Variants in FAM185A observed in about 807,000 individuals in gnomAD.
The protein encoded by FAM185A is protein FAM185A.
Under a neutral mutation model 45.7 loss-of-function variants are expected in FAM185A, and 21 were observed. The ratio of observed to expected loss-of-function variants is 0.46; its 90% CI spans 0.33 to 0.66. FAM185A has a LOEUF of 0.66. Among genes scored for constraint, FAM185A ranks in the 30% least tolerant of loss-of-function variants. The probability of loss-of-function intolerance (pLI) is 0.03; values close to 1 mark genes in which losing one functional copy is unlikely to be tolerated. For missense variants in FAM185A, 305 were observed against 485.4 expected, an observed-to-expected ratio of 0.63 and a Z score of 3.49; for synonymous variants, 117 against 194.0, an observed-to-expected ratio of 0.60 and a Z score of 3.30.
the FAM185A span, chr7:102,822,147 C>A: frequency 6.2e-7 from 1 of 1,614,184 alleles, no homozygotes; most frequent in South Asian, 1.1e-5. Flanking sequence ...CAGAGATATC[C>A]AAAATGTGCA....
chr7:102,765,151 G>A (rs1289227085), intron 4 of FAM185A, among the ~76,000 whole-genome samples: 1 of 152,152 alleles, frequency 6.6e-6, no homozygotes, highest in Non-Finnish European at 1.5e-5. Flanking sequence ...TTTAAACAGT[G>A]AACTTGATTG....
chr7:102,781,190 C>T (rs940900646), intron 6 of FAM185A, among the ~76,000 whole-genome samples: 5 of 152,154 alleles, frequency 3.3e-5, no homozygotes, highest in African/African-American at 9.7e-5. Context: ...AGCCCACCAC[C>T]GCAGCTCAAG....
chr7:102,820,462 A>AT, the FAM185A span, among the ~76,000 whole-genome samples: 5 of 152,014 alleles, frequency 3.3e-5, no homozygotes, highest in African/African-American at 9.6e-5. Context: ...GCCTTGTTTT[A>AT]TTTTTTTTGC....
the FAM185A span, among the ~76,000 whole-genome samples, chr7:102,814,793 A>T: frequency 6.6e-6 from 1 of 152,380 alleles, no homozygotes; most frequent in South Asian, 2.1e-4. Context: ...ATTGTCAAAG[A>T]TAATGTTTTG....
chr7:102,800,571 A>G (rs1796728264), intron 7 of FAM185A, among the ~76,000 whole-genome samples: 2 of 152,242 alleles, frequency 1.3e-5, no homozygotes. Flanking sequence ...TTCAGGAAAC[A>G]GACACACTTA....
intron 4 of FAM185A, among the ~76,000 whole-genome samples, chr7:102,769,610 C>G (rs982885617): frequency 4.6e-5 from 7 of 151,860 alleles, no homozygotes; most frequent in African/African-American, 1.7e-4. Context: ...TTTTATTGTT[C>G]AGGAGGTAGA....
At chr7:102,776,734 C>T (rs1213677582) in intron 5 of FAM185A, among the ~76,000 whole-genome samples, 1 of 136,198 alleles carries the variant, frequency 7.3e-6, no homozygotes, top group African/African-American at 2.8e-5. Context: ...AAAAGAAATG[C>T]GACAACTTTA....
At chr7:102,834,094 G>GGAAGGAAGGAAGGAAGGA in the FAM185A span, among the ~76,000 whole-genome samples, 16 of 86,728 alleles carry the variant, frequency 1.8e-4, no homozygotes, top group East Asian at 3.1e-4. Flanking sequence ...AGAAAAGAAA[G>GGAAGGAAGGAAGGAAGGA]AAAGAAAGAA....
chr7:102,766,352 C>T (rs968828660), intron 4 of FAM185A, among the ~76,000 whole-genome samples: 1 of 152,234 alleles, frequency 6.6e-6, no homozygotes, highest in African/African-American at 2.4e-5. Context: ...TTAGTTCTCT[C>T]ATTTTCTCTG....
rs556470541 is a variant in FAM185A, at chr7:102,772,415, T to C, written c.800T>C (p.Ile267Thr). 3.2e-4 allele frequency: 488 copies of C among 1,543,266 alleles called. 1 individual carries two copies. The South Asian group carries it at 5.5e-3, about 17-fold the overall frequency. The change falls in exon 5 of 8, where the codon ATA becomes ACA. Residue 267 changes from isoleucine (I) to threonine (T), a missense_variant. Coordinates refer to ENST00000413034, the MANE Select transcript of FAM185A (RefSeq NM_001145268.2). ...DITLGSVHGN[I>T]TLQSKMGNIT... ...ATCTTTTTCTTTTTGGCAGGTAATATAACATTACAAAGCAAGATGGGTAAC... is the reference window on the plus strand; with the variant it reads ...ATCTTTTTCTTTTTGGCAGGTAATACAACATTACAAAGCAAGATGGGTAAC...
At chr7:102,819,576 G>A in the FAM185A span, among the ~76,000 whole-genome samples, 228 of 152,230 alleles carry the variant, frequency 1.5e-3, 2 homozygotes, top group African/African-American at 5.3e-3. Flanking sequence ...CTCTTCTGAC[G>A]GCTGTAATTG....
the FAM185A span, among the ~76,000 whole-genome samples, chr7:102,826,753 A>ATATATG: frequency 8.9e-6 from 1 of 112,248 alleles, no homozygotes; most frequent in Admixed American, 1.1e-4. Flanking sequence ...ATATATATAT[A>ATATATG]TATATATATA....
the FAM185A span, chr7:102,832,818 G>A: frequency 1.2e-6 from 2 of 1,613,756 alleles, no homozygotes; most frequent in Middle Eastern, 1.7e-4. Flanking sequence ...GGATGTGTTT[G>A]AGCCCTGACT....
the FAM185A span, among the ~76,000 whole-genome samples, chr7:102,848,826 G>A: frequency 1.3e-4 from 19 of 151,594 alleles, no homozygotes; most frequent in Non-Finnish European, 1.5e-4. Flanking sequence ...TGGTGAAGTC[G>A]CATTTCTACT....
intron 7 of FAM185A, among the ~76,000 whole-genome samples, chr7:102,789,741 C>G (rs1341763719): frequency 6.6e-6 from 1 of 152,244 alleles, no homozygotes; most frequent in Non-Finnish European, 1.5e-5. Flanking sequence ...AACTTTTTGA[C>G]TCTTTTGTAA....
chr7:102,787,414 A>C lies in FAM185A; in HGVS notation c.1011A>C (p.Glu337Asp), dbSNP rs1267829139. The C allele has an allele frequency of 6.5e-7, 1 of 1,536,750 alleles. No individual in the cohort carries two copies. The highest frequency in any genetic ancestry group is 8.8e-7 in the Non-Finnish European group (1 of 1,136,124). ...LSGKEVDVNS[E>D]VHVQEMAEVR... ...GGAAAGAGGTTGATGTGAACTCAGA[A>C]GTCCATGTTCAGGAAATGGCTGAAG... Residue 337 changes from glutamate (E) to aspartate (D), a missense_variant, in exon 7 of 8, where the codon GAA becomes GAC. Around this residue, in one of 5 missense-constraint regions of FAM185A, gnomAD observed 66 missense variants for 74.6 expected, o/e 0.89. Transcript: ENST00000413034.
intron 7 of FAM185A, among the ~76,000 whole-genome samples, chr7:102,800,617 A>G (rs1796730528): frequency 6.6e-6 from 1 of 152,176 alleles, no homozygotes; most frequent in Non-Finnish European, 1.5e-5. Flanking sequence ...TCTCAGCAAT[A>G]GAATTGAATA....
intron 6 of FAM185A, among the ~76,000 whole-genome samples, chr7:102,783,353 C>T (rs1795542408): frequency 1.3e-5 from 2 of 152,078 alleles, no homozygotes; most frequent in Admixed American, 6.5e-5. Flanking sequence ...ATACATTCTT[C>T]TCAGCACCAC....
At chr7:102,830,568 A>G in the FAM185A span, among the ~76,000 whole-genome samples, 3 of 152,204 alleles carry the variant, frequency 2.0e-5, no homozygotes, top group African/African-American at 7.2e-5. Flanking sequence ...ATTAAACAAA[A>G]ATAATTTTGC....
Sources: allele counts gnomAD v4.1 joint callset (sites outside exome capture counted in the v4.1 genomes callset), GRCh38; gene constraint gnomAD v4.1.1; regional missense constraint gnomAD v4.1.1; transcripts MANE v1.5; gene names NCBI Gene and HGNC (gene_info 2026-07-23, HGNC 2026-07-21).